Variants in INPP4B observed in about 807,000 individuals in gnomAD.
INPP4B encodes the protein inositol polyphosphate 4-phosphatase type II.
A neutral mutation model predicts 122.5 loss-of-function variants in INPP4B; 55 were observed. The observed-to-expected ratio is 0.45, with a 90% CI of 0.36 to 0.56. The LOEUF is 0.56. INPP4B is among the 20% of genes least tolerant of loss of function. The pLI is 0.00. For missense variants in INPP4B, 1,000 were observed against 1,097.7 expected, an observed-to-expected ratio of 0.91 and a Z score of 1.26; for synonymous variants, 403 against 388.7, an observed-to-expected ratio of 1.04 and a Z score of -0.43.
chr4:142,745,569 GA>G (rs1315951113), intron 1 of INPP4B, among the ~76,000 whole-genome samples: 6 of 151,872 alleles, frequency 4.0e-5, no homozygotes, highest in Admixed American at 3.3e-4. Flanking sequence ...GCCCTTTACA[GA>G]AAACATTTGG....
At chr4:142,289,923 T>C (rs1755611685) in intron 9 of INPP4B, among the ~76,000 whole-genome samples, 1 of 152,290 alleles carries the variant, frequency 6.6e-6, no homozygotes, top group East Asian at 1.9e-4. Flanking sequence ...TCAAAATGTA[T>C]CCAGAATGTG....
At position 142,416,722 on chromosome 4, in the gene INPP4B, C is replaced by T. The variant is rs540543862; in HGVS notation, c.137-11398G>A. Among the ~76,000 whole-genome samples, 4 of 152,212 alleles carry T rather than the reference C, an allele frequency of 2.6e-5. No homozygotes were observed. In the East Asian group the frequency reaches 7.7e-4, roughly 29 times the overall value. On this transcript the variant is annotated intron_variant, in intron 5 of 25. Transcript: ENST00000262992. ...GTTTTGAAGTGCTTAAAGAAGATAACTCCAGTTTCGCTTCAGTCATCAATC... is the reference window on the plus strand; with the variant it reads ...GTTTTGAAGTGCTTAAAGAAGATAATTCCAGTTTCGCTTCAGTCATCAATC...
At chr4:142,219,350 G>T (rs1297852581) in intron 12 of INPP4B, among the ~76,000 whole-genome samples, 1 of 152,162 alleles carries the variant, frequency 6.6e-6, no homozygotes, top group Non-Finnish European at 1.5e-5. Context: ...CAATAAGTAT[G>T]TCTTTTTCCA....
chr4:142,679,394 G>GC (rs1464846473), intron 2 of INPP4B, among the ~76,000 whole-genome samples: 5 of 151,844 alleles, frequency 3.3e-5, no homozygotes, highest in African/African-American at 1.2e-4. Context: ...GTAAAGTCTT[G>GC]CATGGGTATT....
chr4:142,717,759 A>C (rs1053443220), intron 2 of INPP4B, among the ~76,000 whole-genome samples: 1 of 151,864 alleles, frequency 6.6e-6, no homozygotes, highest in Non-Finnish European at 1.5e-5. Flanking sequence ...GAATTGGGGG[A>C]GGGATAGCAT....
intron 2 of INPP4B, chr4:142,583,482 G>T (rs1365655628): frequency 6.6e-6 from 1 of 152,128 alleles, no homozygotes; most frequent in African/African-American, 2.4e-5. Flanking sequence ...GCTGAATGGA[G>T]AAGAAATGCC....
At position 142,516,015 on chromosome 4, in the gene INPP4B, G is replaced by C. The variant is rs1207462468; in HGVS notation, c.-190-53289C>G. 2.0e-5 allele frequency among the ~76,000 whole-genome samples: 3 copies of C among 152,162 alleles called. No individual in the cohort carries two copies. In the East Asian group the frequency reaches 5.8e-4, roughly 29 times the overall value. ...TGAAGGGATTCATTTATTGGAGAAA[G>C]CAGGAGCAGTTGACTAAATTTTTCC... On this transcript the variant is annotated intron_variant, in intron 2 of 25. Transcript: ENST00000262992.
At chr4:142,436,256 C>T (rs760858675) in intron 3 of INPP4B, among the ~76,000 whole-genome samples, 1 of 152,192 alleles carries the variant, frequency 6.6e-6, no homozygotes, top group Non-Finnish European at 1.5e-5. Context: ...ACTCTGATCT[C>T]CCTGGGCCTG....
chr4:142,650,982 C>T (rs1171930613), intron 2 of INPP4B, among the ~76,000 whole-genome samples: 5 of 152,128 alleles, frequency 3.3e-5, no homozygotes, highest in Non-Finnish European at 5.9e-5. Flanking sequence ...TAAAGCACTC[C>T]TTGGCAAATG....
intron 7 of INPP4B, among the ~76,000 whole-genome samples, chr4:142,335,805 A>T (rs1776364555): frequency 6.6e-6 from 1 of 152,216 alleles, no homozygotes; most frequent in Non-Finnish European, 1.5e-5. Flanking sequence ...ACACAAAGTA[A>T]CACCAATGTG....
intron 7 of INPP4B, among the ~76,000 whole-genome samples, chr4:142,342,372 A>G (rs1472308075): frequency 3.9e-5 from 6 of 152,306 alleles, no homozygotes; most frequent in Middle Eastern, 3.4e-3. Flanking sequence ...ACACAATTTA[A>G]TTTTACTACA....
In INPP4B at chr4:142,145,999, GA is replaced by G. The variant is rs1374360774; in HGVS notation, c.1564-4del. The G allele has an allele frequency of 6.2e-7, 1 of 1,602,560 alleles. No individual in the cohort carries two copies. On this transcript the variant is annotated splice_polypyrimidine_tract_variant and splice_region_variant and intron_variant, in intron 17 of 25. Transcript: ENST00000262992. ...CCCACATTGGCCCACACCCTGTCCT[GA>G]AAAAAGCATGAGTATCACTACATAT...
chr4:142,054,255 AT>A (rs898446994), intron 25 of INPP4B, among the ~76,000 whole-genome samples: 38 of 149,384 alleles, frequency 2.5e-4, no homozygotes, highest in African/African-American at 7.1e-4. Context: ...ACAACACCCT[AT>A]TTTTTTTTTT....
intron 5 of INPP4B, among the ~76,000 whole-genome samples, chr4:142,422,990 T>C (rs1807259303): frequency 6.6e-6 from 1 of 152,070 alleles, no homozygotes; most frequent in Non-Finnish European, 1.5e-5. Flanking sequence ...ATAGAATAAA[T>C]GCAAAAATAT....
chr4:142,303,356 T>C (rs1762216166), intron 9 of INPP4B, among the ~76,000 whole-genome samples: 1 of 152,164 alleles, frequency 6.6e-6, no homozygotes, highest in Non-Finnish European at 1.5e-5. Flanking sequence ...ATGCTCTTAG[T>C]TCTGTGAATT....
At chr4:142,244,144 G>A (rs912202198) in intron 11 of INPP4B, among the ~76,000 whole-genome samples, 4 of 150,410 alleles carry the variant, frequency 2.7e-5, no homozygotes, top group African/African-American at 4.9e-5. Context: ...TCCCACTTAC[G>A]AGTGAGAACA....
intron 14 of INPP4B, among the ~76,000 whole-genome samples, chr4:142,205,878 T>G (rs762767058): frequency 2.6e-5 from 4 of 152,160 alleles, no homozygotes; most frequent in Non-Finnish European, 5.9e-5. Context: ...TAAAAATCAT[T>G]ACCTACTGTT....
At chr4:142,425,722 A>C (rs915753297) in intron 5 of INPP4B, among the ~76,000 whole-genome samples, 78 of 152,086 alleles carry the variant, frequency 5.1e-4, no homozygotes, top group African/African-American at 1.8e-3. Flanking sequence ...TCTCCCCCAG[A>C]TATGTTCTAT....
chr4:142,772,428 C>G (rs565584624), intron 1 of INPP4B, among the ~76,000 whole-genome samples: 9 of 152,220 alleles, frequency 5.9e-5, no homozygotes, highest in African/African-American at 2.2e-4. Flanking sequence ...TTAATTCCAA[C>G]TGAACAATCT....
Sources: gnomAD v4.1 joint callset for allele counts (sites outside exome capture counted in the v4.1 genomes callset) on GRCh38, gnomAD v4.1.1 for gene constraint, MANE v1.5 for transcripts, NCBI Gene and HGNC (gene_info 2026-07-23, HGNC 2026-07-21) for gene names.